Variants in COL26A1 observed in about 807,000 individuals in gnomAD.
COL26A1 encodes the protein collagen type XXVI alpha 1 chain.
In COL26A1, 41 loss-of-function variants were observed where a neutral mutation model predicts 59.3. That is an observed-to-expected ratio of 0.69 (90% CI 0.54 to 0.90). The LOEUF (loss-of-function observed/expected upper bound fraction) is 0.90. COL26A1 is among the 40% of genes least tolerant of loss of function. The pLI, the probability that COL26A1 is intolerant of heterozygous loss-of-function variation, is 0.00. For synonymous variants in COL26A1, 266 were observed against 256.0 expected (o/e 1.04, Z -0.37); for missense variants, 612 against 602.3 (o/e 1.02, Z -0.17).
intron 3 of COL26A1, among the ~76,000 whole-genome samples, chr7:101,483,850 A>G (rs1486655716): frequency 1.3e-5 from 2 of 151,548 alleles, no homozygotes; most frequent in African/African-American, 4.9e-5. Context: ...AAATTTTTGT[A>G]TGTTTAGTAG....
intron 7 of COL26A1, 108 bp downstream of exon 7, chr7:101,545,598 T>G: frequency 8.2e-7 from 1 of 1,219,686 alleles, no homozygotes; most frequent in Non-Finnish European, 1.1e-6. Context: ...CACATGCCCA[T>G]CCTGCTGCAC....
At chr7:101,387,768 A>ATTTTTTTTTTTTT (rs1194001209) in intron 1 of COL26A1, among the ~76,000 whole-genome samples, 34 of 36,472 alleles carry the variant, frequency 9.3e-4, no homozygotes, top group Non-Finnish European at 2.0e-3. Context: ...ATATATATAT[A>ATTTTTTTTTTTTT]TATATATATA....
rs571456424 is a variant in COL26A1, at chr7:101,549,283, C to T, written c.993+60C>T. 11 of 1,222,228 alleles carry T rather than the reference C, an allele frequency of 9.0e-6. No homozygotes were observed. The South Asian group carries it at 1.0e-4, about 11-fold the overall frequency. The allele number at this position is 1,222,228 out of a possible 1,614,324, so 75.7% of individuals were successfully genotyped here. A position where few individuals can be genotyped will look rare whatever the true frequency, so the allele number is the denominator to read the frequency against. On this transcript the variant is annotated intron_variant, in intron 9 of 12. Coordinates refer to ENST00000313669, the MANE Select transcript of COL26A1 (RefSeq NM_001278563.3). ...GGCGGCGGGTGGCGGGTGGCCTTGT[C>T]TCCCTAGGGGAGAAGAAGCACCTTT...
At chr7:101,518,512 G>C (rs1240822285) in intron 3 of COL26A1, among the ~76,000 whole-genome samples, 1 of 152,258 alleles carries the variant, frequency 6.6e-6, no homozygotes, top group Non-Finnish European at 1.5e-5. Flanking sequence ...AGGAACCACA[G>C]AGTCCGTCTC....
At chr7:101,486,757 G>C (rs573204390) in intron 3 of COL26A1, among the ~76,000 whole-genome samples, 1 of 152,324 alleles carries the variant, frequency 6.6e-6, no homozygotes, top group South Asian at 2.1e-4. Context: ...TCCGTAATGG[G>C]TTCCAGGATG....
intron 1 of COL26A1, among the ~76,000 whole-genome samples, chr7:101,370,608 G>T (rs1791168834): frequency 6.6e-6 from 1 of 152,052 alleles, no homozygotes; most frequent in Non-Finnish European, 1.5e-5. Context: ...CTGACCTCAG[G>T]TTATCTGCCC....
intron 1 of COL26A1, among the ~76,000 whole-genome samples, chr7:101,387,766 A>ATTTTTTTTTT (rs1443633156): frequency 7.7e-5 from 3 of 38,742 alleles, no homozygotes; most frequent in Admixed American, 4.5e-4. Context: ...ATATATATAT[A>ATTTTTTTTTT]TATATATATA....
At chr7:101,548,368 C>G (rs915453124) in intron 8 of COL26A1, among the ~76,000 whole-genome samples, 1 of 152,190 alleles carries the variant, frequency 6.6e-6, no homozygotes, top group African/African-American at 2.4e-5. Flanking sequence ...CATGAATCTC[C>G]CTCCCTGAGC....
In COL26A1 at chr7:101,531,923, A is replaced by C. The variant is rs528494519; in HGVS notation, c.386-1159A>C. Among the ~76,000 whole-genome samples the C allele has an allele frequency of 9.2e-5, 14 of 152,224 alleles. No homozygotes were observed. In the East Asian group the frequency reaches 2.5e-3, roughly 27 times the overall value. ...GCTGCAGTTCTCACCTCTCCCAAGC[A>C]GGATCGTGGTCAGCCCCAGCACGCA... On this transcript the variant is annotated intron_variant, in intron 3 of 12. Coordinates refer to ENST00000313669, the MANE Select transcript of COL26A1 (RefSeq NM_001278563.3).
chr7:101,414,381 CCTCTCT>C lies in COL26A1; in HGVS notation c.159-5576_159-5571del, dbSNP rs35093515. 2.1e-4 allele frequency among the ~76,000 whole-genome samples: 30 copies of C among 145,586 alleles called. 1 individual carries two copies. Among genetic ancestry groups the C allele is most frequent in the South Asian group, 6.8e-4 (3 of 4,436 alleles). ...CATTAAACCATCCTGAGGAAAGTCA[CCTCTCT>C]CTCTCTCTCTCTCTCTCTCGCTCGC... On this transcript the variant is annotated intron_variant, in intron 1 of 12. Transcript: ENST00000313669.
chr7:101,366,106 A>G (rs1263662825), intron 1 of COL26A1, among the ~76,000 whole-genome samples: 3 of 152,222 alleles, frequency 2.0e-5, no homozygotes, highest in Non-Finnish European at 4.4e-5. Flanking sequence ...CCTAAAAAGG[A>G]TACCAGAAGG....
chr7:101,518,710 G>T lies in COL26A1; in HGVS notation c.386-14372G>T, dbSNP rs188793102. Reference sequence around the variant, plus strand: ...GAGAAGCAATTGAATCGCTGAAACCGGCAAGATAAACATGTACAGTGATGT... The same window carrying T: ...GAGAAGCAATTGAATCGCTGAAACCTGCAAGATAAACATGTACAGTGATGT... On this transcript the variant is annotated intron_variant, in intron 3 of 12. Transcript: ENST00000313669. Among the ~76,000 whole-genome samples the T allele has an allele frequency of 3.9e-3, 597 of 152,260 alleles. 3 individuals are homozygous for T. Among genetic ancestry groups the T allele is most frequent in the Middle Eastern group, 6.8e-3 (2 of 294 alleles).
intron 3 of COL26A1, among the ~76,000 whole-genome samples, chr7:101,514,056 C>T (rs747724751): frequency 1.3e-5 from 2 of 152,136 alleles, no homozygotes; most frequent in Admixed American, 6.5e-5. Context: ...CACAACAAGG[C>T]TCGGCACGGT....
intron 1 of COL26A1, among the ~76,000 whole-genome samples, chr7:101,383,443 C>T (rs528654199): frequency 6.6e-6 from 1 of 151,684 alleles, no homozygotes; most frequent in South Asian, 2.1e-4. Flanking sequence ...CTCAGCTCAC[C>T]GCAACCTCCA....
intron 1 of COL26A1, among the ~76,000 whole-genome samples, chr7:101,402,478 G>T (rs867767620): frequency 3.2e-4 from 49 of 152,118 alleles, no homozygotes; most frequent in African/African-American, 9.6e-4. Flanking sequence ...TAAAAAGGGG[G>T]TTGGGGCGGG....
chr7:101,473,378 G>A (rs1793952395), intron 3 of COL26A1, among the ~76,000 whole-genome samples: 1 of 151,970 alleles, frequency 6.6e-6, no homozygotes, highest in Non-Finnish European at 1.5e-5. Context: ...GCCCGGCCTG[G>A]GTTGCATGTT....
chr7:101,525,997 A>G (rs1258414135), intron 3 of COL26A1, among the ~76,000 whole-genome samples: 1 of 152,010 alleles, frequency 6.6e-6, no homozygotes, highest in Non-Finnish European at 1.5e-5. Flanking sequence ...CCTATTGGCC[A>G]TGGTATCTTT....
At chr7:101,479,872 C>A (rs889667009) in intron 3 of COL26A1, among the ~76,000 whole-genome samples, 4 of 152,112 alleles carry the variant, frequency 2.6e-5, no homozygotes, top group Non-Finnish European at 5.9e-5. Flanking sequence ...ATATCCATCA[C>A]CTCAAATATT....
At chr7:101,507,157 C>T (rs890392664) in intron 3 of COL26A1, among the ~76,000 whole-genome samples, 20 of 152,142 alleles carry the variant, frequency 1.3e-4, no homozygotes, top group Non-Finnish European at 1.8e-4. Flanking sequence ...TCAAGTGATC[C>T]GCCTGCCTCG....
Sources: allele counts gnomAD v4.1 joint callset (sites outside exome capture counted in the v4.1 genomes callset), GRCh38; gene constraint gnomAD v4.1.1; transcripts MANE v1.5; gene names NCBI Gene and HGNC (gene_info 2026-07-23, HGNC 2026-07-21).